Variants in CAMK2D observed in about 807,000 individuals in gnomAD.
The protein encoded by CAMK2D is calcium/calmodulin-dependent protein kinase type II subunit delta.
In CAMK2D, 37 loss-of-function variants were observed where a neutral mutation model predicts 84.0. That is an observed-to-expected ratio of 0.44 (90% CI 0.34 to 0.58). The LOEUF is 0.58. CAMK2D is among the 20% of genes least tolerant of loss of function. CAMK2D has a pLI of 0.02. For missense variants in CAMK2D, 448 were observed against 652.5 expected, an observed-to-expected ratio of 0.69 and a Z score of 3.41; for synonymous variants, 202 against 212.5, an observed-to-expected ratio of 0.95 and a Z score of 0.43.
At chr4:113,460,733 T>A (rs556727833) in intron 17 of CAMK2D, among the ~76,000 whole-genome samples, 15 of 152,184 alleles carry the variant, frequency 9.9e-5, no homozygotes, top group African/African-American at 3.6e-4. Context: ...TTGCCCAGGC[T>A]GGAGTGTATT....
chr4:113,608,886 C>T (rs1184993564), intron 4 of CAMK2D, among the ~76,000 whole-genome samples: 4 of 152,078 alleles, frequency 2.6e-5, no homozygotes, highest in Non-Finnish European at 5.9e-5. Context: ...GAATTGAGAA[C>T]CACTCATGAC....
At chr4:113,604,383 C>A (rs1029861453) in intron 4 of CAMK2D, among the ~76,000 whole-genome samples, 1 of 152,122 alleles carries the variant, frequency 6.6e-6, no homozygotes, top group African/African-American at 2.4e-5. Flanking sequence ...ATCTGTTATG[C>A]TCTCTTTTCA....
At position 113,452,648 on chromosome 4, in the gene CAMK2D, A is replaced by G. The variant is rs1390306272; in HGVS notation, c.*1897T>C. On this transcript the variant is annotated 3_prime_UTR_variant, in exon 21 of 21. Coordinates refer to ENST00000511664, the MANE Select transcript of CAMK2D (RefSeq NM_001321571.2). ...CTTCAACACCACATGCTAAGTTAAA[A>G]GTGTAAAAAAAACACTCTACATCTA... 1.3e-5 allele frequency: 2 copies of G among 152,526 alleles called. No homozygotes were observed. The highest frequency in any genetic ancestry group is 2.4e-5 in the African/African-American group (1 of 41,378). 9.4% of individuals were successfully genotyped at this position (152,526 alleles called of 1,614,324 possible).
chr4:113,657,525 T>C (rs1014365359), intron 3 of CAMK2D, among the ~76,000 whole-genome samples: 1 of 152,030 alleles, frequency 6.6e-6, no homozygotes, highest in Admixed American at 6.6e-5. Context: ...CATATATATA[T>C]AAGATTATAA....
At chr4:113,747,479 T>C (rs1462692570) in intron 2 of CAMK2D, among the ~76,000 whole-genome samples, 1 of 152,052 alleles carries the variant, frequency 6.6e-6, no homozygotes, top group Non-Finnish European at 1.5e-5. Context: ...CTCTTGACAA[T>C]AGGCATTCAA....
chr4:113,497,891 A>G (rs1041159081), intron 16 of CAMK2D, among the ~76,000 whole-genome samples: 5 of 152,254 alleles, frequency 3.3e-5, no homozygotes, highest in African/African-American at 1.2e-4. Context: ...GTATGGGGGT[A>G]TGCCTTTAAG....
Position 113,517,714 on chromosome 4 carries a change from A to G in CAMK2D, c.602-57T>C. ...AGTCATATAGACAACAGTAAATTAA[A>G]TGTGGCTGATCCACAATGATATTAA... On this transcript the variant is annotated intron_variant, in intron 8 of 20. Coordinates refer to ENST00000511664, the MANE Select transcript of CAMK2D (RefSeq NM_001321571.2). 3 of 801,420 alleles carry G rather than the reference A, an allele frequency of 3.7e-6. No individual in the cohort carries two copies. The South Asian group carries it at 4.4e-5, about 12-fold the overall frequency. 49.6% of individuals were successfully genotyped at this position (801,420 alleles called of 1,614,324 possible). A position where few individuals can be genotyped will look rare whatever the true frequency, so the allele number is the denominator to read the frequency against.
intron 4 of CAMK2D, among the ~76,000 whole-genome samples, chr4:113,556,017 G>A (rs138781610): frequency 1.1e-3 from 161 of 152,190 alleles, no homozygotes; most frequent in African/African-American, 3.6e-3. Flanking sequence ...ACGCTGATAC[G>A]CTGATATCAG....
At chr4:113,737,434 T>C (rs1440885628) in intron 2 of CAMK2D, among the ~76,000 whole-genome samples, 3 of 151,376 alleles carry the variant, frequency 2.0e-5, no homozygotes, top group African/African-American at 7.3e-5. Flanking sequence ...GTACCCAGAG[T>C]AGTCAAATTC....
intron 16 of CAMK2D, among the ~76,000 whole-genome samples, chr4:113,487,599 T>G (rs1364181987): frequency 6.6e-6 from 1 of 152,042 alleles, no homozygotes; most frequent in Non-Finnish European, 1.5e-5. Flanking sequence ...TTTAGAAACA[T>G]AAAATTTGAC....
chr4:113,585,839 G>A (rs547027238), intron 4 of CAMK2D, among the ~76,000 whole-genome samples: 2 of 152,114 alleles, frequency 1.3e-5, no homozygotes, highest in Non-Finnish European at 2.9e-5. Context: ...GATAACTTAA[G>A]TATTGCATCC....
At chr4:113,609,267 C>A (rs2098990014) in intron 3 of CAMK2D, 61 bp from the exon 4 acceptor site, 2 of 866,276 alleles carry the variant, frequency 2.3e-6, no homozygotes, top group Non-Finnish European at 4.0e-6. Flanking sequence ...AACGTTAAAC[C>A]CCACTTCACA....
chr4:113,618,600 T>C (rs1042896551), intron 3 of CAMK2D, among the ~76,000 whole-genome samples: 1 of 152,222 alleles, frequency 6.6e-6, no homozygotes, highest in African/African-American at 2.4e-5. Flanking sequence ...ATAACTGGCT[T>C]GTAGACATAT....
At chr4:113,591,649 TC>T (rs1429311530) in intron 4 of CAMK2D, among the ~76,000 whole-genome samples, 3 of 152,198 alleles carry the variant, frequency 2.0e-5, no homozygotes, top group Non-Finnish European at 2.9e-5. Context: ...TGGAAATTGC[TC>T]CCAGCTGGTT....
At chr4:113,508,916 A>G (rs1235017100) in intron 13 of CAMK2D, among the ~76,000 whole-genome samples, 1 of 152,230 alleles carries the variant, frequency 6.6e-6, no homozygotes, top group Non-Finnish European at 1.5e-5. Flanking sequence ...TTAAAGAAAT[A>G]AAACATTTAG....
rs755947163 is a variant in CAMK2D at position 113,759,357 on chromosome 4, A to G, written c.123T>C (p.Ala41=). ...CMKIPTGQEY[A]AKIINTKKLS... is the part of the protein sequence containing the mutation. ...GCTTTTTGGTGTTGATAATTTTGGC[A>G]GCATATTCTTGTCCAGTAGGAATTT... Residue 41 remains alanine, a synonymous_variant, in exon 2 of 21, where the codon GCT becomes GCC. Transcript: ENST00000511664. 8.1e-6 allele frequency: 13 copies of G among 1,608,894 alleles called. No homozygotes were observed. The highest frequency in any genetic ancestry group is 1.0e-5 in the Non-Finnish European group (12 of 1,177,056).
intron 2 of CAMK2D, among the ~76,000 whole-genome samples, chr4:113,757,049 C>T (rs1384606144): frequency 6.6e-6 from 1 of 152,050 alleles, no homozygotes; most frequent in African/African-American, 2.4e-5. Flanking sequence ...ATCCTCAGAA[C>T]ACCCCATGAG....
At chr4:113,663,256 G>C (rs575944879) in intron 2 of CAMK2D, among the ~76,000 whole-genome samples, 57 of 152,236 alleles carry the variant, frequency 3.7e-4, no homozygotes, top group African/African-American at 1.4e-3. Context: ...GCCTCTAACA[G>C]CAATACCATA....
At chr4:113,585,648 A>G (rs374067250) in intron 4 of CAMK2D, among the ~76,000 whole-genome samples, 3 of 145,090 alleles carry the variant, frequency 2.1e-5, no homozygotes, top group East Asian at 3.9e-4. Flanking sequence ...ACAGTATAGT[A>G]TAGATTAGTA....
Sources: gnomAD v4.1 joint callset for allele counts (sites outside exome capture counted in the v4.1 genomes callset) on GRCh38, gnomAD v4.1.1 for gene constraint, MANE v1.5 for transcripts, NCBI Gene and HGNC (gene_info 2026-07-23, HGNC 2026-07-21) for gene names.